Variants in LINGO1 observed in about 807,000 individuals in gnomAD.
The protein encoded by LINGO1 is leucine rich repeat and Ig domain containing 1.
LINGO1 carries 11 observed loss-of-function variants against 37.3 expected under a neutral mutation model. The observed-to-expected ratio is 0.29, with a 90% CI of 0.19 to 0.49. The LOEUF (loss-of-function observed/expected upper bound fraction) is 0.49. Ranked by LOEUF, LINGO1 falls within the 20% of genes least tolerant of loss-of-function variation. LINGO1 has a pLI of 0.99. For synonymous variants in LINGO1, 387 were observed against 403.0 expected (o/e 0.96, Z 0.48); for missense variants, 585 against 878.2 (o/e 0.67, Z 4.22).
At chr15:77,749,199 C>T (rs915932785) in intron 1 of LINGO1, among the ~76,000 whole-genome samples, 2 of 152,030 alleles carry the variant, frequency 1.3e-5, no homozygotes, top group African/African-American at 2.4e-5. Flanking sequence ...TGAGCCACTG[C>T]GCCCGGCCCC....
intron 2 of LINGO1, among the ~76,000 whole-genome samples, chr15:77,686,064 T>A (rs1400254618): frequency 6.6e-6 from 1 of 151,706 alleles, no homozygotes; most frequent in African/African-American, 2.4e-5. Context: ...GGGCAATGGG[T>A]GTGAGTGCCT....
At chr15:77,701,579 T>G (rs2075783615) in intron 2 of LINGO1, among the ~76,000 whole-genome samples, 1 of 152,096 alleles carries the variant, frequency 6.6e-6, no homozygotes. Flanking sequence ...TGGAAGATGT[T>G]TGGGTCATAG....
chr15:77,619,360 G>A (rs2073847016), intron 1 of LINGO1, among the ~76,000 whole-genome samples: 1 of 152,282 alleles, frequency 6.6e-6, no homozygotes, highest in South Asian at 2.1e-4. Context: ...AGCAATGAGA[G>A]ACCTGAGGAA....
chr15:77,748,494 C>T (rs188267548), intron 1 of LINGO1, among the ~76,000 whole-genome samples: 4 of 152,308 alleles, frequency 2.6e-5, no homozygotes, highest in Admixed American at 2.6e-4. Context: ...AAGGTAGCCT[C>T]TGGGCGTGGC....
chr15:77,796,625 G>A (rs1290140100), intron 1 of LINGO1, among the ~76,000 whole-genome samples: 1 of 152,110 alleles, frequency 6.6e-6, no homozygotes, highest in East Asian at 1.9e-4. Flanking sequence ...GGGGATGATG[G>A]GCAGCACCGG....
chr15:77,666,593 G>A (rs1177590649), intron 3 of LINGO1, among the ~76,000 whole-genome samples: 1 of 152,206 alleles, frequency 6.6e-6, no homozygotes, highest in Admixed American at 6.5e-5. Context: ...CAGTAGAAGA[G>A]CTTGGGAGCC....
rs368686358 is a variant in LINGO1 at position 77,803,459 on chromosome 15, A to G, written c.-457-7406T>C. ...GACCCCATCTCCAAACAAACAGACA[A>G]ACAAAAAATCTGAAGAAAAAAAAAA... On this transcript the variant is annotated intron_variant, in intron 1 of 5. Coordinates refer to the LINGO1 transcript ENST00000562933. Among the ~76,000 whole-genome samples the G allele has an allele frequency of 3.3e-5, 5 of 151,626 alleles. 1 individual carries two copies. The highest frequency in any genetic ancestry group is 1.2e-4 in the African/African-American group (5 of 40,966).
chr15:77,654,613 G>A (rs2074829503), intron 3 of LINGO1, among the ~76,000 whole-genome samples: 1 of 152,100 alleles, frequency 6.6e-6, no homozygotes, highest in Non-Finnish European at 1.5e-5. Context: ...CTAGATAGGG[G>A]CCTCCAGTCT....
intron 1 of LINGO1, among the ~76,000 whole-genome samples, chr15:77,621,252 A>G (rs2073909820): frequency 6.6e-6 from 1 of 152,094 alleles, no homozygotes; most frequent in Non-Finnish European, 1.5e-5. Flanking sequence ...ACAGGGTTTC[A>G]CCATGTTGGC....
chr15:77,778,727 C>T (rs1242676700), intron 1 of LINGO1, among the ~76,000 whole-genome samples: 1 of 152,202 alleles, frequency 6.6e-6, no homozygotes, highest in Non-Finnish European at 1.5e-5. Context: ...CATCTCCCTC[C>T]GGGATTATTT....
At chr15:77,680,947 C>T (rs1283762998) in intron 2 of LINGO1, among the ~76,000 whole-genome samples, 8 of 152,132 alleles carry the variant, frequency 5.3e-5, no homozygotes, top group African/African-American at 1.4e-4. Flanking sequence ...GAAGATGCTA[C>T]CCCTTAAGGT....
At chr15:77,804,152 G>C (rs1485680800) in intron 1 of LINGO1, among the ~76,000 whole-genome samples, 1 of 152,060 alleles carries the variant, frequency 6.6e-6, no homozygotes, top group Non-Finnish European at 1.5e-5. Context: ...CACAAAACTG[G>C]CTATGATGAT....
chr15:77,626,331 A>C (rs949535710), intron 1 of LINGO1, among the ~76,000 whole-genome samples: 12 of 152,202 alleles, frequency 7.9e-5, no homozygotes, highest in African/African-American at 2.9e-4. Flanking sequence ...CCTCTAAAAC[A>C]TCACAAACCA....
At chr15:77,781,155 G>C (rs2076713038) in intron 1 of LINGO1, among the ~76,000 whole-genome samples, 1 of 152,240 alleles carries the variant, frequency 6.6e-6, no homozygotes. Context: ...ACAGTCCCCA[G>C]ATTGATGGAA....
chr15:77,718,409 C>CT (rs1301209652), intron 2 of LINGO1, among the ~76,000 whole-genome samples: 3 of 150,026 alleles, frequency 2.0e-5, no homozygotes, highest in Non-Finnish European at 4.5e-5. Flanking sequence ...CACATGTATA[C>CT]ACACACGTGT....
intron 1 of LINGO1, among the ~76,000 whole-genome samples, chr15:77,786,630 C>T (rs771727608): frequency 3.2e-4 from 48 of 152,328 alleles, no homozygotes; most frequent in Non-Finnish European, 5.4e-4. Context: ...AACACTCCCG[C>T]CGCCCTCCAT....
intron 1 of LINGO1, among the ~76,000 whole-genome samples, chr15:77,747,525 G>A (rs1337764918): frequency 6.6e-6 from 1 of 152,226 alleles, no homozygotes; most frequent in African/African-American, 2.4e-5. Context: ...GGCCCTCTCT[G>A]TGTCAGAATG....
At chr15:77,709,281 C>A (rs901005507) in intron 2 of LINGO1, among the ~76,000 whole-genome samples, 5 of 152,288 alleles carry the variant, frequency 3.3e-5, no homozygotes, top group African/African-American at 9.6e-5. Context: ...CAGAGGTGTG[C>A]GAGCAAAGCT....
chr15:77,615,239 C>A lies in LINGO1; in HGVS notation c.668G>T (p.Arg223Leu). 6.2e-7 allele frequency: 1 copy of A among 1,613,738 alleles called. No homozygotes were observed. Among genetic ancestry groups the A allele is most frequent in the African/African-American group, 1.3e-5 (1 of 75,018 alleles). The change falls in exon 2 of 2, where the codon CGG (arginine) becomes CTG (leucine). Residue 223 changes from arginine (R) to leucine (L), a missense_variant. Coordinates refer to ENST00000355300, the MANE Select transcript of LINGO1 (RefSeq NM_032808.7). The stretch of plus-strand genomic sequence containing the variant: ...CCGGATGGCATTGATGTTGAGGTGC[C>A]GGAGCCTCAGGACGATGAGGCCGTG... ...HLHGLIVLRL[R>L]HLNINAIRDY...
Sources: gnomAD v4.1 joint callset for allele counts (sites outside exome capture counted in the v4.1 genomes callset) on GRCh38, gnomAD v4.1.1 for gene constraint, MANE v1.5 for transcripts, NCBI Gene and HGNC (gene_info 2026-07-23, HGNC 2026-07-21) for gene names.